Variants in NF1 observed in about 807,000 individuals in gnomAD.
NF1 encodes the protein neurofibromin.
NF1 carries 122 observed loss-of-function variants against 325.7 expected under a neutral mutation model. The ratio of observed to expected loss-of-function variants is 0.37; its 90% CI spans 0.32 to 0.44. The LOEUF (loss-of-function observed/expected upper bound fraction) is 0.44. Ranked by LOEUF, NF1 falls within the 20% of genes least tolerant of loss-of-function variation. The probability of loss-of-function intolerance (pLI) is 1.00; values close to 1 mark genes in which losing one functional copy is unlikely to be tolerated. For synonymous variants in NF1, 1,091 were observed against 1,186.0 expected (o/e 0.92, Z 1.65); for missense variants, 2,140 against 3,415.4 (o/e 0.63, Z 9.31).
intron 3 of NF1, among the ~76,000 whole-genome samples, chr17:31,160,124 G>A (rs745730417): frequency 3.0e-4 from 45 of 152,098 alleles, no homozygotes; most frequent in Non-Finnish European, 3.2e-4. Flanking sequence ...CTCACTCTGC[G>A]GCACAGGCTG....
intron 1 of NF1, among the ~76,000 whole-genome samples, chr17:31,109,992 C>T (rs1913263355): frequency 6.6e-6 from 1 of 152,108 alleles, no homozygotes; most frequent in South Asian, 2.1e-4. Context: ...TGCAGGCACG[C>T]TAGTTTCTTT....
chr17:31,314,330 A>G, intron 36 of NF1: 4 of 219,586 alleles, frequency 1.8e-5, no homozygotes, highest in Non-Finnish European at 2.7e-5. Context: ...AGAAAATTAC[A>G]TGTTCTAAGA....
chr17:31,227,364 G>A (rs2151427210), intron 19 of NF1, 73 bp downstream of exon 19: 1 of 1,523,636 alleles, frequency 6.6e-7, no homozygotes, highest in Non-Finnish European at 9.1e-7. Context: ...TTACATATGT[G>A]TGATCAGGAA....
Position 31,181,791 on chromosome 17 carries a change from G to T in NF1, c.730+6G>T, listed in dbSNP as rs1444298546. 6.4e-7 allele frequency: 1 copy of T among 1,572,032 alleles called. No individual in the cohort carries two copies. Among genetic ancestry groups the T allele is most frequent in the Non-Finnish European group, 8.7e-7 (1 of 1,149,562 alleles). On this transcript the variant is annotated splice_donor_region_variant and intron_variant, in intron 7 of 57. Transcript: ENST00000358273. ...CCCACAGACTGATATGGCTGGTAAG[G>T]ATACGATTGATTTTTTTTTTTTTTT... is the stretch of plus-strand genomic sequence containing the variant.
intron 36 of NF1, among the ~76,000 whole-genome samples, chr17:31,323,601 A>G (rs949957600): frequency 6.6e-5 from 10 of 152,130 alleles, no homozygotes; most frequent in Non-Finnish European, 1.3e-4. Context: ...TCTCTCCACA[A>G]TTTGACTATT....
intron 36 of NF1, among the ~76,000 whole-genome samples, chr17:31,267,110 T>A (rs964210381): frequency 9.2e-5 from 14 of 152,094 alleles, no homozygotes; most frequent in Non-Finnish European, 1.8e-4. Context: ...TTTGTATTTT[T>A]AGTAGAGATG....
At chr17:31,305,427 T>G (rs1418502863) in intron 36 of NF1, 2 of 1,614,180 alleles carry the variant, frequency 1.2e-6, no homozygotes, top group East Asian at 4.5e-5. Flanking sequence ...TGTCGCTGAA[T>G]TGTGTTGGTT....
At chr17:31,295,391 A>G in intron 36 of NF1, 4 of 1,614,142 alleles carry the variant, frequency 2.5e-6, no homozygotes, top group Non-Finnish European at 3.4e-6. Flanking sequence ...AGTGGCACCA[A>G]ACGTTGTTTC....
chr17:31,342,913 C>G, intron 47 of NF1, 96 bp from the exon 48 acceptor site: 1 of 1,454,030 alleles, frequency 6.9e-7, no homozygotes, highest in Non-Finnish European at 9.6e-7. Context: ...GAAAGGATTA[C>G]TTATCTTGTC....
rs2151556183 is a variant in NF1 at position 31,337,438 on chromosome 17, C to T, written c.6498C>T (p.Gly2166=). ...FSLPKFYLLF[G]ISKVKSAAVI... The stretch of plus-strand genomic sequence containing the variant: ...TACCCAAATTTTACTTGCTGTTTGG[C>T]ATTAGCAAAGTCAAGTCAGCTGCTG... Residue 2166 remains glycine (G), a synonymous_variant, in exon 43 of 58, where the codon GGC becomes GGT. Coordinates refer to ENST00000358273, the MANE Select transcript of NF1 (RefSeq NM_001042492.3). 6.2e-7 allele frequency: 1 copy of T among 1,614,118 alleles called. No individual in the cohort carries two copies. Among genetic ancestry groups the T allele is most frequent in the East Asian group, 2.2e-5 (1 of 44,880 alleles).
chr17:31,227,387 T>A, intron 19 of NF1, 96 bp downstream of exon 19: 1 of 1,473,540 alleles, frequency 6.8e-7, no homozygotes, highest in Non-Finnish European at 9.5e-7. Context: ...GCTTTTGAAG[T>A]AAATCCAAGA....
At chr17:31,179,841 A>G (rs1383070826) in intron 5 of NF1, among the ~76,000 whole-genome samples, 2 of 152,140 alleles carry the variant, frequency 1.3e-5, no homozygotes, top group Non-Finnish European at 2.9e-5. Context: ...CAACAAAATA[A>G]ATAGACCACT....
At chr17:31,221,611 A>T (rs528870215) in intron 14 of NF1, among the ~76,000 whole-genome samples, 1 of 152,070 alleles carries the variant, frequency 6.6e-6, no homozygotes, top group Non-Finnish European at 1.5e-5. Flanking sequence ...TTAGCTTTAT[A>T]TGTACATGCC....
At chr17:31,175,279 T>C (rs1040610147) in intron 5 of NF1, among the ~76,000 whole-genome samples, 3 of 151,314 alleles carry the variant, frequency 2.0e-5, no homozygotes, top group Non-Finnish European at 4.4e-5. Flanking sequence ...ATGTTAACTG[T>C]GATTGTCTCT....
At chr17:31,105,841 C>CT (rs2143251380) in intron 1 of NF1, among the ~76,000 whole-genome samples, 2 of 152,320 alleles carry the variant, frequency 1.3e-5, no homozygotes, top group South Asian at 4.1e-4. Context: ...TGATGAAATT[C>CT]TTTCCTGCTC....
At chr17:31,143,407 C>T (rs1385695897) in intron 1 of NF1, among the ~76,000 whole-genome samples, 1 of 151,920 alleles carries the variant, frequency 6.6e-6, no homozygotes, top group Non-Finnish European at 1.5e-5. Flanking sequence ...GCTGGGACTA[C>T]AGGTGCATAC....
At chr17:31,305,768 T>C (rs1268046623) in intron 36 of NF1, 6 of 736,786 alleles carry the variant, frequency 8.1e-6, no homozygotes, top group East Asian at 2.7e-5. Context: ...TTAGTAGTTA[T>C]TATTCCTAAT....
intron 8 of NF1, among the ~76,000 whole-genome samples, chr17:31,192,400 G>T (rs778258506): frequency 1.3e-5 from 2 of 152,188 alleles, no homozygotes; most frequent in Non-Finnish European, 2.9e-5. Context: ...AACTCAAAGT[G>T]GGGGCTTCCA....
Position 31,150,950 on chromosome 17 carries a change from G to A in NF1, c.61-5033G>A, listed in dbSNP as rs1049754757. On this transcript the variant is annotated intron_variant, in intron 1 of 57. Coordinates refer to ENST00000358273, the MANE Select transcript of NF1 (RefSeq NM_001042492.3). ...CTAGGGAGGCTGAGGCAGGGGAATC[G>A]CTTCAACCTTGGAAGCAGAGGTTAT... 4.0e-5 allele frequency among the ~76,000 whole-genome samples: 6 copies of A among 151,620 alleles called. No individual in the cohort carries two copies. In the East Asian group the frequency reaches 9.7e-4, roughly 24 times the overall value.
Sources: allele counts gnomAD v4.1 joint callset (sites outside exome capture counted in the v4.1 genomes callset), GRCh38; gene constraint gnomAD v4.1.1; transcripts MANE v1.5; gene names NCBI Gene and HGNC (gene_info 2026-07-23, HGNC 2026-07-21).